PYGB: variants seen among roughly 807,000 people sequenced by gnomAD.
PYGB encodes glycogen phosphorylase, brain form.
In PYGB, 82 loss-of-function variants were observed where a neutral mutation model predicts 94.3. The ratio of observed to expected loss-of-function variants is 0.87; its 90% CI spans 0.73 to 1.04. The LOEUF (loss-of-function observed/expected upper bound fraction) is 1.04. PYGB is among the 50% of genes least tolerant of loss of function. The probability of loss-of-function intolerance (pLI) is 0.00; values close to 1 mark genes in which losing one functional copy is unlikely to be tolerated. For synonymous variants in PYGB, 488 were observed against 479.1 expected, an observed-to-expected ratio of 1.02 and a Z score of -0.24; for missense variants, 1,132 against 1,158.2, an observed-to-expected ratio of 0.98 and a Z score of 0.33.
chr20:25,294,621 G>A (rs1019846151), intron 18 of PYGB: 2 of 548,264 alleles, frequency 3.6e-6, no homozygotes, highest in Non-Finnish European at 6.5e-6. Context: ...CAGGCCAGTA[G>A]AGGGAGCATG....
intron 1 of PYGB, 41 bp from the exon 2 acceptor site, chr20:25,259,196 G>T: frequency 6.6e-7 from 1 of 1,504,834 alleles, no homozygotes; most frequent in Non-Finnish European, 9.2e-7. Context: ...CTAAAGTGTA[G>T]AATGGAATGA....
At chr20:25,272,573 G>C (rs1401293081) in intron 4 of PYGB, among the ~76,000 whole-genome samples, 2 of 152,226 alleles carry the variant, frequency 1.3e-5, no homozygotes, top group Non-Finnish European at 2.9e-5. Context: ...CCTAGGTGTG[G>C]GTGCATAATG....
chr20:25,270,448 C>G (rs960117700), intron 3 of PYGB, among the ~76,000 whole-genome samples: 4 of 152,000 alleles, frequency 2.6e-5, no homozygotes, highest in Non-Finnish European at 4.4e-5. Context: ...GTGATCTGCC[C>G]GCCTCAGCCT....
intron 1 of PYGB, among the ~76,000 whole-genome samples, chr20:25,254,873 A>C (rs1223943525): frequency 6.6e-6 from 1 of 152,156 alleles, no homozygotes; most frequent in Non-Finnish European, 1.5e-5. Context: ...GTGTAGAAGG[A>C]ATTTGTTTAC....
intron 7 of PYGB, among the ~76,000 whole-genome samples, chr20:25,277,802 C>T (rs1002849173): frequency 7.2e-5 from 11 of 152,244 alleles, no homozygotes; most frequent in African/African-American, 1.7e-4. Flanking sequence ...GTGATGGTGT[C>T]GCAGCCATGT....
At chr20:25,290,676 C>T (rs1041065357) in intron 16 of PYGB, 54 bp downstream of exon 16, 68 of 1,581,398 alleles carry the variant, frequency 4.3e-5, no homozygotes, top group Admixed American at 1.8e-4. Flanking sequence ...GGGGAACGGG[C>T]GTTGTACTGG....
chr20:25,288,150 T>C, intron 14 of PYGB: 1 of 580,700 alleles, frequency 1.7e-6, no homozygotes, highest in Non-Finnish European at 3.1e-6. Flanking sequence ...AGCTGCTGGG[T>C]TCGTCCATGG....
chr20:25,289,563 T>A (rs930966379), intron 15 of PYGB, among the ~76,000 whole-genome samples: 1 of 152,086 alleles, frequency 6.6e-6, no homozygotes, highest in African/African-American at 2.4e-5. Flanking sequence ...GAGGATCGAT[T>A]GTCCTGGGTG....
intron 15 of PYGB, chr20:25,289,908 C>T (rs372749102): frequency 9.2e-5 from 49 of 533,524 alleles, no homozygotes; most frequent in Non-Finnish European, 1.6e-4. Context: ...AGGAGTCCTC[C>T]GTGTCCTGAA....
In PYGB at chr20:25,269,154, A is replaced by G. The variant is rs755769724; in HGVS notation, c.371A>G (p.Glu124Gly). 8.1e-6 allele frequency: 13 copies of G among 1,598,330 alleles called. No individual in the cohort carries two copies. Among genetic ancestry groups the G allele is most frequent in the Non-Finnish European group, 1.7e-6 (2 of 1,165,676 alleles). The change falls in exon 3 of 20, where the codon GAG (glutamate) becomes GGG (glycine). Residue 124 changes from glutamate to glycine, a missense_variant. Glu to Gly is a moderately conservative substitution (Grantham distance 98). Coordinates refer to ENST00000216962, the MANE Select transcript of PYGB (RefSeq NM_002862.4). ...YQLGLDLEEL[E>G]EIEEDAGLGN... is the part of the protein sequence containing the mutation. ...TTGGGGTTAGACTTGGAGGAACTCG[A>G]GGAGATAGAAGAAGATGCTGGCCTT...
intron 16 of PYGB, 106 bp downstream of exon 16, chr20:25,290,728 C>T: frequency 8.2e-6 from 12 of 1,470,466 alleles, no homozygotes; most frequent in South Asian, 1.3e-5. Flanking sequence ...TCTGCCTGGA[C>T]ACCCAGACCT....
At chr20:25,280,794 A>G (rs1423175285) in intron 10 of PYGB, among the ~76,000 whole-genome samples, 155 bp from the exon 11 acceptor site, 1 of 152,038 alleles carries the variant, frequency 6.6e-6, no homozygotes, top group Non-Finnish European at 1.5e-5. Context: ...GTCTGGGAGC[A>G]CTTGAGGGAG....
At chr20:25,294,520 C>T (rs1600746168) in intron 18 of PYGB, among the ~76,000 whole-genome samples, 1 of 152,252 alleles carries the variant, frequency 6.6e-6, no homozygotes. Context: ...CACAGCAGCA[C>T]AGTCCAGCCC....
chr20:25,272,103 C>T (rs2088273132), intron 4 of PYGB, among the ~76,000 whole-genome samples: 1 of 152,184 alleles, frequency 6.6e-6, no homozygotes, highest in African/African-American at 2.4e-5. Context: ...AAAATGCAAC[C>T]TCCTCCTCCC....
intron 1 of PYGB, among the ~76,000 whole-genome samples, chr20:25,253,263 C>A (rs1450896599): frequency 6.6e-6 from 1 of 152,234 alleles, no homozygotes; most frequent in Non-Finnish European, 1.5e-5. Context: ...TTCAGAATCA[C>A]TTGAGCCAAT....
chr20:25,254,254 G>C (rs1186487104), intron 1 of PYGB, among the ~76,000 whole-genome samples: 1 of 152,060 alleles, frequency 6.6e-6, no homozygotes, highest in Non-Finnish European at 1.5e-5. Context: ...CAGCTGTCCT[G>C]CTTAATAAAT....
At chr20:25,262,560 C>T (rs1402603440) in intron 2 of PYGB, among the ~76,000 whole-genome samples, 1 of 152,202 alleles carries the variant, frequency 6.6e-6, no homozygotes, top group Non-Finnish European at 1.5e-5. Flanking sequence ...TAGGAAGAAA[C>T]TGTATCAGCT....
chr20:25,262,187 C>CAGGAA (rs2092915071), intron 2 of PYGB, among the ~76,000 whole-genome samples: 1 of 152,174 alleles, frequency 6.6e-6, no homozygotes, highest in Admixed American at 6.5e-5. Flanking sequence ...TCAGATTCAC[C>CAGGAA]AAAGTTGAAA....
chr20:25,260,626 G>C (rs6037070), intron 2 of PYGB, among the ~76,000 whole-genome samples: 1 of 152,092 alleles, frequency 6.6e-6, no homozygotes, highest in Non-Finnish European at 1.5e-5. Context: ...GGGGCTTGTC[G>C]GACTGTGGGT....
Sources: gnomAD v4.1 joint callset for allele counts (sites outside exome capture counted in the v4.1 genomes callset) on GRCh38, gnomAD v4.1.1 for gene constraint, MANE v1.5 for transcripts, NCBI Gene and HGNC (gene_info 2026-07-23, HGNC 2026-07-21) for gene names.